Variants in DPP10 observed in about 807,000 individuals in gnomAD.
DPP10 encodes the protein inactive dipeptidyl peptidase 10.
DPP10 carries 33 observed loss-of-function variants against 120.9 expected under a neutral mutation model. The observed-to-expected ratio is 0.27, with a 90% CI of 0.21 to 0.37. The LOEUF is 0.37. DPP10 is among the 10% of genes least tolerant of loss of function. The pLI is 1.00. For missense variants in DPP10, 816 were observed against 942.8 expected, an observed-to-expected ratio of 0.87 and a Z score of 1.76; for synonymous variants, 337 against 326.1, an observed-to-expected ratio of 1.03 and a Z score of -0.36.
intron 3 of DPP10, among the ~76,000 whole-genome samples, chr2:115,350,460 G>T (rs1278560775): frequency 6.6e-6 from 1 of 151,960 alleles, no homozygotes; most frequent in Non-Finnish European, 1.5e-5. Flanking sequence ...ACTAACTACG[G>T]ATATTCAAAC....
rs181739685 is a variant in DPP10 at position 115,451,274 on chromosome 2, G to A, written c.272-48236G>A. On this transcript the variant is annotated intron_variant, in intron 3 of 25. Transcript: ENST00000410059. ...AGGATGAATAATTAGAACTAGATGT[G>A]AAAGGTGAAAGGGTAGAGTTTAAAT... 1.2e-3 allele frequency among the ~76,000 whole-genome samples: 189 copies of A among 151,952 alleles called. 4 individuals are homozygous for A. Among genetic ancestry groups the A allele is most frequent in the Admixed American group, 0.012 (183 of 15,214 alleles).
intron 1 of DPP10, among the ~76,000 whole-genome samples, chr2:115,158,981 GT>G (rs201249344): frequency 0.012 from 1,692 of 145,074 alleles, 26 homozygotes; most frequent in East Asian, 0.079. Flanking sequence ...TATCTATTGA[GT>G]TTTTTTTTTT....
At chr2:114,940,554 A>C (rs1194435362) in intron 1 of DPP10, among the ~76,000 whole-genome samples, 1 of 149,136 alleles carries the variant, frequency 6.7e-6, no homozygotes, top group African/African-American at 2.5e-5. Context: ...GAGACCACTC[A>C]GCAAAAAAAA....
chr2:114,624,965 A>G (rs982209979), intron 1 of DPP10, among the ~76,000 whole-genome samples: 1 of 152,010 alleles, frequency 6.6e-6, no homozygotes, highest in African/African-American at 2.4e-5. Flanking sequence ...AAATAATTAA[A>G]TATGCATCTC....
At chr2:115,435,712 C>CA (rs2071431641) in intron 3 of DPP10, among the ~76,000 whole-genome samples, 1 of 151,702 alleles carries the variant, frequency 6.6e-6, no homozygotes, top group African/African-American at 2.4e-5. Context: ...GATTTAATCC[C>CA]ATTTGTCTAT....
At chr2:115,133,312 AAAC>A (rs1175153016) in intron 1 of DPP10, among the ~76,000 whole-genome samples, 7 of 151,200 alleles carry the variant, frequency 4.6e-5, no homozygotes, top group Admixed American at 6.6e-5. Context: ...AAAAAGCAAA[AAAC>A]AACAACAACA....
chr2:114,836,369 G>T (rs1252858583), intron 1 of DPP10, among the ~76,000 whole-genome samples: 1 of 152,132 alleles, frequency 6.6e-6, no homozygotes, highest in Non-Finnish European at 1.5e-5. Context: ...AAGGGACAGA[G>T]TACAAAAGAG....
chr2:115,275,180 G>A (rs2059861203), intron 1 of DPP10, among the ~76,000 whole-genome samples: 1 of 152,172 alleles, frequency 6.6e-6, no homozygotes, highest in African/African-American at 2.4e-5. Context: ...AAAAACTACA[G>A]GTTGACCTGT....
In DPP10 at chr2:115,559,439, T is replaced by G. The variant is rs547650648; in HGVS notation, c.441+33467T>G. ...GAATTATAATTTAACAACAGTAGCTTTCTTAGTTTGATATATTTGAGTGAC... is the reference window on the plus strand; with the variant it reads ...GAATTATAATTTAACAACAGTAGCTGTCTTAGTTTGATATATTTGAGTGAC... On this transcript the variant is annotated intron_variant, in intron 5 of 25. Transcript: ENST00000410059. Among the ~76,000 whole-genome samples the G allele has an allele frequency of 5.9e-5, 9 of 152,282 alleles. No individual in the cohort carries two copies. The East Asian group carries it at 1.7e-3, about 29-fold the overall frequency.
At chr2:114,772,022 C>A (rs1488806413) in intron 1 of DPP10, among the ~76,000 whole-genome samples, 3 of 151,896 alleles carry the variant, frequency 2.0e-5, no homozygotes, top group African/African-American at 7.3e-5. Context: ...CTGAGATAAT[C>A]TTTTTCCACA....
chr2:115,162,425 C>T (rs2104976802), intron 1 of DPP10, among the ~76,000 whole-genome samples: 3 of 152,296 alleles, frequency 2.0e-5, no homozygotes, highest in Middle Eastern at 6.8e-3. Context: ...CGGGTTCGAG[C>T]CCCGTCCTCC....
At chr2:114,812,987 C>T (rs891504569) in intron 1 of DPP10, among the ~76,000 whole-genome samples, 7 of 152,176 alleles carry the variant, frequency 4.6e-5, no homozygotes, top group East Asian at 3.8e-4. Flanking sequence ...TGTTGAATTA[C>T]GTACATGCAT....
intron 1 of DPP10, among the ~76,000 whole-genome samples, chr2:115,005,875 A>T (rs557534164): frequency 6.6e-6 from 1 of 152,312 alleles, no homozygotes; most frequent in East Asian, 1.9e-4. Flanking sequence ...AACGCCACAA[A>T]GATAATCCTC....
intron 4 of DPP10, among the ~76,000 whole-genome samples, chr2:115,513,385 G>A (rs1463011857): frequency 6.6e-6 from 1 of 151,584 alleles, no homozygotes; most frequent in Non-Finnish European, 1.5e-5. Flanking sequence ...TTATTAATAA[G>A]GTAGAACATA....
chr2:115,519,240 T>C (rs1054633163), intron 4 of DPP10, among the ~76,000 whole-genome samples: 2 of 152,168 alleles, frequency 1.3e-5, no homozygotes, highest in Non-Finnish European at 2.9e-5. Context: ...TGTAAATGAA[T>C]AGAATATTAT....
At chr2:115,728,454 TA>T (rs1263300442) in intron 8 of DPP10, among the ~76,000 whole-genome samples, 1 of 152,090 alleles carries the variant, frequency 6.6e-6, no homozygotes, top group African/African-American at 2.4e-5. Context: ...GCTGAGAATA[TA>T]AAAATAAATC....
chr2:114,868,886 C>T (rs1033640910), intron 1 of DPP10, among the ~76,000 whole-genome samples: 8 of 152,050 alleles, frequency 5.3e-5, no homozygotes, highest in African/African-American at 1.9e-4. Context: ...CTTAACTGTG[C>T]GAATTTGATT....
intron 7 of DPP10, among the ~76,000 whole-genome samples, chr2:115,704,002 T>C (rs1367110254): frequency 6.6e-6 from 1 of 151,990 alleles, no homozygotes; most frequent in Non-Finnish European, 1.5e-5. Context: ...TCCGCAGAAA[T>C]ATATGTTAAA....
chr2:115,715,881 TC>T (rs2092477058), intron 7 of DPP10, among the ~76,000 whole-genome samples: 1 of 152,256 alleles, frequency 6.6e-6, no homozygotes, highest in Admixed American at 6.5e-5. Context: ...ATGCTATTTT[TC>T]CAGGAAGTCT....
Sources: allele counts gnomAD v4.1 joint callset (sites outside exome capture counted in the v4.1 genomes callset), GRCh38; gene constraint gnomAD v4.1.1; transcripts MANE v1.5; gene names NCBI Gene and HGNC (gene_info 2026-07-23, HGNC 2026-07-21).